IL1RAPL2: variants seen among roughly 807,000 people sequenced by gnomAD.
IL1RAPL2 encodes the protein interleukin 1 receptor accessory protein like 2.
Under a neutral mutation model 44.1 loss-of-function variants are expected in IL1RAPL2, and 3 were observed. The observed-to-expected ratio is 0.07, with a 90% CI of 0.03 to 0.18. The LOEUF is 0.18. IL1RAPL2 is among the 10% of genes least tolerant of loss of function. The pLI is 1.00. For synonymous variants in IL1RAPL2, 181 were observed against 178.8 expected, an observed-to-expected ratio of 1.01 and a Z score of -0.10; for missense variants, 391 against 496.4, an observed-to-expected ratio of 0.79 and a Z score of 2.02.
intron 2 of IL1RAPL2, among the ~76,000 whole-genome samples, chrX:104,738,976 C>G (rs1164917347): frequency 1.8e-5 from 2 of 111,549 alleles, no homozygotes; most frequent in African/African-American, 6.5e-5. Context: ...TTCCATTTGT[C>G]TGATACCGAG....
intron 2 of IL1RAPL2, among the ~76,000 whole-genome samples, chrX:104,871,521 C>T (rs1825110306): frequency 9.0e-6 from 1 of 111,148 alleles, no homozygotes; most frequent in African/African-American, 3.3e-5. Context: ...TTTTCCTTAC[C>T]ATGGGTTCTG....
chrX:104,641,886 G>A (rs1384226011), intron 1 of IL1RAPL2, among the ~76,000 whole-genome samples: 1 of 111,548 alleles, frequency 9.0e-6, no homozygotes, highest in African/African-American at 3.3e-5. Context: ...AACTATGCTT[G>A]AAAATGATGC....
rs1410062827 is a variant in IL1RAPL2, at chrX:104,949,581, CT to C, written c.83-245893del. Among the ~76,000 whole-genome samples, 274 of 106,947 alleles carry C rather than the reference CT, an allele frequency of 2.6e-3. 2 individuals carry two copies. Among genetic ancestry groups the C allele is most frequent in the African/African-American group, 9.0e-3 (264 of 29,307 alleles). 92.9% of individuals were successfully genotyped at this position (106,947 alleles called of 115,157 possible). ...AGTGCTATAAATTTCCCTCTACACACTGCTTTGAATGCATCCCAGAGATTCT... is the reference window on the plus strand; with the variant it reads ...AGTGCTATAAATTTCCCTCTACACACGCTTTGAATGCATCCCAGAGATTCT... On this transcript the variant is annotated intron_variant, in intron 2 of 10. Transcript: ENST00000372582.
At chrX:105,455,156 C>A (rs1036501815) in intron 5 of IL1RAPL2, among the ~76,000 whole-genome samples, 20 of 111,955 alleles carry the variant, frequency 1.8e-4, no homozygotes, top group South Asian at 3.7e-4. Flanking sequence ...AAGGAAATAT[C>A]AGTGAGACAC....
chrX:104,854,580 A>C (rs1922309039), intron 2 of IL1RAPL2, among the ~76,000 whole-genome samples: 1 of 111,893 alleles, frequency 8.9e-6, no homozygotes, highest in South Asian at 3.7e-4. Flanking sequence ...GTAGGAGTAC[A>C]TTCAGTAAAC....
intron 9 of IL1RAPL2, chrX:105,753,085 GGTAA>G: frequency 3.1e-6 from 1 of 317,656 alleles, no homozygotes; most frequent in Non-Finnish European, 6.1e-6. Flanking sequence ...ACTTTCTAGG[GGTAA>G]GTCTTTGTAG....
chrX:104,876,771 C>T (rs1424665372), intron 2 of IL1RAPL2, among the ~76,000 whole-genome samples: 4 of 102,430 alleles, frequency 3.9e-5, no homozygotes, highest in African/African-American at 1.4e-4. Flanking sequence ...GGTACATGTG[C>T]ACAATGTGCA....
chrX:104,577,923 G>A (rs140468330), intron 1 of IL1RAPL2, among the ~76,000 whole-genome samples: 1,350 of 111,418 alleles, frequency 0.012, 25 homozygotes, highest in African/African-American at 0.042. Context: ...ATGGAAAGGC[G>A]GGAGGCTAGA....
intron 5 of IL1RAPL2, among the ~76,000 whole-genome samples, chrX:105,461,910 G>A (rs1360245200): frequency 3.6e-5 from 4 of 110,771 alleles, no homozygotes; most frequent in East Asian, 2.8e-4. Flanking sequence ...GTGTGTGGGG[G>A]CATATAATTT....
chrX:105,123,886 A>G (rs2032949480), intron 2 of IL1RAPL2, among the ~76,000 whole-genome samples: 1 of 110,980 alleles, frequency 9.0e-6, no homozygotes, highest in Admixed American at 9.6e-5. Context: ...ACTCTTATCA[A>G]CATATCTGTT....
chrX:105,447,346 T>TAA lies in IL1RAPL2; in HGVS notation c.698-36965_698-36964dup, dbSNP rs2035972184. ...AAATATATATAAAAATATAAATATA[T>TAA]AAATATATAAATATATAAATATAAA... On this transcript the variant is annotated intron_variant, in intron 5 of 10. Coordinates refer to ENST00000372582, the MANE Select transcript of IL1RAPL2 (RefSeq NM_017416.2). 3.9e-4 allele frequency among the ~76,000 whole-genome samples: 25 copies of TAA among 64,605 alleles called. No individual in the cohort carries two copies. The East Asian group carries it at 7.6e-3, about 20-fold the overall frequency. The allele number at this position is 64,605 out of a possible 115,157, so 56.1% of individuals were successfully genotyped here.
intron 2 of IL1RAPL2, among the ~76,000 whole-genome samples, chrX:104,798,580 G>T (rs761653539): frequency 2.7e-5 from 3 of 111,305 alleles, no homozygotes; most frequent in Admixed American, 9.5e-5. Context: ...GCAGGAGAAT[G>T]GTGTGAACCC....
intron 5 of IL1RAPL2, among the ~76,000 whole-genome samples, chrX:105,467,395 T>C (rs368564595): frequency 2.7e-5 from 3 of 111,814 alleles, no homozygotes; most frequent in East Asian, 5.7e-4. Context: ...TGGTTCTATG[T>C]GAAAGCAGAG....
intron 5 of IL1RAPL2, among the ~76,000 whole-genome samples, chrX:105,282,994 A>G (rs1227192484): frequency 8.9e-6 from 1 of 111,741 alleles, no homozygotes; most frequent in Non-Finnish European, 1.9e-5. Flanking sequence ...AATTATCTTC[A>G]TGATGCTATT....
chrX:105,044,811 G>T (rs1335628624), intron 2 of IL1RAPL2, among the ~76,000 whole-genome samples: 2 of 111,237 alleles, frequency 1.8e-5, no homozygotes, highest in Admixed American at 9.7e-5. Context: ...TCAGGCTCTA[G>T]GCTTAGGAAC....
chrX:105,211,516 C>T (rs781808197), intron 3 of IL1RAPL2, among the ~76,000 whole-genome samples: 170 of 111,211 alleles, frequency 1.5e-3, no homozygotes, highest in Non-Finnish European at 2.5e-3. Flanking sequence ...CATGAATGAA[C>T]TTTCTATCCA....
chrX:104,906,086 C>G (rs1306960182), intron 2 of IL1RAPL2, among the ~76,000 whole-genome samples: 1 of 108,989 alleles, frequency 9.2e-6, no homozygotes, highest in Non-Finnish European at 1.9e-5. Context: ...GGAGTTCACT[C>G]ATGATTTGGC....
chrX:105,184,612 A>G (rs2033567306), intron 2 of IL1RAPL2, among the ~76,000 whole-genome samples: 1 of 110,113 alleles, frequency 9.1e-6, no homozygotes, highest in African/African-American at 3.3e-5. Context: ...TATACCAAGT[A>G]TACATATGAT....
chrX:105,653,449 G>T (rs930992477), intron 6 of IL1RAPL2, among the ~76,000 whole-genome samples: 1 of 111,088 alleles, frequency 9.0e-6, no homozygotes, highest in African/African-American at 3.3e-5. Flanking sequence ...ATCTGATATA[G>T]CAATGATATT....
Sources: gnomAD v4.1 joint callset for allele counts (sites outside exome capture counted in the v4.1 genomes callset) on GRCh38, gnomAD v4.1.1 for gene constraint, MANE v1.5 for transcripts, NCBI Gene and HGNC (gene_info 2026-07-23, HGNC 2026-07-21) for gene names.